SHANK2: variants seen among roughly 807,000 people sequenced by gnomAD.
The protein encoded by SHANK2 is SH3 and multiple ankyrin repeat domains protein 2.
In SHANK2, 43 loss-of-function variants were observed where a neutral mutation model predicts 133.7. The ratio of observed to expected loss-of-function variants is 0.32; its 90% CI spans 0.25 to 0.41. The LOEUF is 0.41. SHANK2 is among the 10% of genes least tolerant of loss of function. The probability of loss-of-function intolerance (pLI) is 1.00; values close to 1 mark genes in which losing one functional copy is unlikely to be tolerated. For missense variants in SHANK2, 1,994 were observed against 2,235.8 expected (o/e 0.89, Z 2.18); for synonymous variants, 1,017 against 952.8 (o/e 1.07, Z -1.24).
At chr11:70,605,699 G>A (rs781938698) in intron 17 of SHANK2, among the ~76,000 whole-genome samples, 2 of 152,222 alleles carry the variant, frequency 1.3e-5, no homozygotes, top group African/African-American at 4.8e-5. Flanking sequence ...TCAACTGCAC[G>A]TTTCCCTGGG....
intron 14 of SHANK2, among the ~76,000 whole-genome samples, chr11:70,729,599 A>G (rs1591793270): frequency 6.8e-6 from 1 of 147,798 alleles, no homozygotes; most frequent in Non-Finnish European, 1.5e-5. Flanking sequence ...ATCTCGGCTC[A>G]CTGCAAGCTC....
At chr11:71,197,243 T>TC (rs1209659412) in intron 2 of SHANK2, among the ~76,000 whole-genome samples, 2 of 151,884 alleles carry the variant, frequency 1.3e-5, no homozygotes, top group Admixed American at 1.3e-4. Context: ...TTCATTTCCT[T>TC]CCCCCCAGTG....
At chr11:71,129,253 C>G (rs1456782276) in intron 3 of SHANK2, among the ~76,000 whole-genome samples, 5 of 152,224 alleles carry the variant, frequency 3.3e-5, no homozygotes, top group East Asian at 3.9e-4. Context: ...CCTACTGAGT[C>G]TTGCTTGTAC....
At chr11:70,702,151 CCATCATCACCAA>C (rs1399200902) in intron 14 of SHANK2, among the ~76,000 whole-genome samples, 1 of 149,396 alleles carries the variant, frequency 6.7e-6, no homozygotes, top group Non-Finnish European at 1.5e-5. Flanking sequence ...ATCTTCTTCA[CCATCATCACCAA>C]CATCATCACC....
intron 14 of SHANK2, among the ~76,000 whole-genome samples, chr11:70,719,417 G>A (rs1015682500): frequency 3.3e-5 from 5 of 152,184 alleles, no homozygotes; most frequent in African/African-American, 1.2e-4. Context: ...CTGTGTGCAT[G>A]GGCACCCAGT....
rs931920336 is a variant in SHANK2, at chr11:71,071,689, T to C, written c.1029+3470A>G. 5.8e-4 allele frequency among the ~76,000 whole-genome samples: 89 copies of C among 152,234 alleles called. 1 individual carries two copies. The South Asian group carries it at 9.8e-3, about 17-fold the overall frequency. On this transcript the variant is annotated intron_variant, in intron 9 of 25. Coordinates refer to ENST00000601538, the MANE Select transcript of SHANK2 (RefSeq NM_012309.5). ...TTCCAGGGCAAAGAATCCAGGAAGA[T>C]TGAACAGCTAGAAGCAAAGTGGGAC...
intron 14 of SHANK2, among the ~76,000 whole-genome samples, chr11:70,792,554 T>C (rs1376141529): frequency 6.6e-6 from 1 of 152,260 alleles, no homozygotes; most frequent in East Asian, 1.9e-4. Flanking sequence ...TACTGAGTTA[T>C]TCATTCTGTG....
chr11:70,905,665 G>A (rs1448619364), intron 10 of SHANK2, among the ~76,000 whole-genome samples: 1 of 152,150 alleles, frequency 6.6e-6, no homozygotes, highest in African/African-American at 2.4e-5. Context: ...CGCCATGTGA[G>A]GACACAGCAA....
intron 9 of SHANK2, among the ~76,000 whole-genome samples, chr11:71,057,915 T>TTTTG (rs1326940532): frequency 1.7e-5 from 1 of 59,344 alleles, no homozygotes; most frequent in African/African-American, 4.0e-4. Context: ...AGCAAAACGG[T>TTTTG]TTTTTTTTTT....
At chr11:70,821,361 C>T (rs570752844) in intron 11 of SHANK2, among the ~76,000 whole-genome samples, 7 of 152,242 alleles carry the variant, frequency 4.6e-5, no homozygotes, top group South Asian at 2.1e-4. Flanking sequence ...ACCAGCCCTG[C>T]GATGCCCTGA....
intron 14 of SHANK2, among the ~76,000 whole-genome samples, chr11:70,747,008 TACTCCCCTCCCTCCACCCCTGC>T (rs1301772192): frequency 2.2e-4 from 27 of 124,762 alleles, no homozygotes; most frequent in Middle Eastern, 3.7e-3. Flanking sequence ...CCTACCCCTG[TACTCCCCTCCCTCCACCCCTGC>T]ACTCCCCTCC....
intron 9 of SHANK2, among the ~76,000 whole-genome samples, chr11:71,063,784 G>A (rs1951014881): frequency 6.6e-6 from 1 of 152,206 alleles, no homozygotes. Flanking sequence ...CGAGCATCAA[G>A]AAGAATATCA....
At chr11:70,593,942 C>G (rs1172309217) in intron 17 of SHANK2, among the ~76,000 whole-genome samples, 2 of 152,090 alleles carry the variant, frequency 1.3e-5, no homozygotes, top group Non-Finnish European at 2.9e-5. Flanking sequence ...CTGCTGGTGT[C>G]AGATGCTGAG....
At chr11:70,770,915 C>CTTTT (rs71467419) in intron 14 of SHANK2, among the ~76,000 whole-genome samples, 3,846 of 92,856 alleles carry the variant, frequency 0.041, 456 homozygotes, top group South Asian at 0.075. Context: ...CTCTTACTTC[C>CTTTT]TTTTTTTTTT....
Position 70,786,073 on chromosome 11 carries a change from C to T in SHANK2, c.1777+12370G>A, listed in dbSNP as rs138405985. ...AAGTCTCCTCTCAGGGTAAGCGGGACCGTGCCAGAATTTCCAACAAACACC... is the reference window on the plus strand; with the variant it reads ...AAGTCTCCTCTCAGGGTAAGCGGGATCGTGCCAGAATTTCCAACAAACACC... On this transcript the variant is annotated intron_variant, in intron 14 of 25. Coordinates refer to ENST00000601538, the MANE Select transcript of SHANK2 (RefSeq NM_012309.5). Among the ~76,000 whole-genome samples the T allele has an allele frequency of 1.1e-4, 16 of 152,278 alleles. No homozygotes were observed. In the East Asian group the frequency reaches 2.9e-3, roughly 28 times the overall value.
intron 1 of SHANK2, among the ~76,000 whole-genome samples, chr11:71,241,447 C>T (rs541267051): frequency 1.3e-3 from 203 of 152,320 alleles, no homozygotes; most frequent in African/African-American, 4.3e-3. Flanking sequence ...GACAAACAAA[C>T]ACGTACCTTC....
intron 11 of SHANK2, among the ~76,000 whole-genome samples, chr11:70,858,472 C>T (rs546891639): frequency 2.4e-4 from 36 of 152,322 alleles, no homozygotes; most frequent in African/African-American, 8.2e-4. Flanking sequence ...CCTGCACACC[C>T]AACACCTAGC....
chr11:70,547,842 CAG>C (rs1412686170), intron 17 of SHANK2, among the ~76,000 whole-genome samples: 1 of 152,234 alleles, frequency 6.6e-6, no homozygotes, highest in Non-Finnish European at 1.5e-5. Context: ...ACAATCGAGA[CAG>C]AGAATTTCAA....
chr11:70,787,598 G>T (rs923698307), intron 14 of SHANK2, among the ~76,000 whole-genome samples: 2 of 143,540 alleles, frequency 1.4e-5, no homozygotes, highest in African/African-American at 5.2e-5. Flanking sequence ...TACCATCATC[G>T]CCATGAGCAC....
Sources: gnomAD v4.1 joint callset for allele counts (sites outside exome capture counted in the v4.1 genomes callset) on GRCh38, gnomAD v4.1.1 for gene constraint, MANE v1.5 for transcripts, NCBI Gene and HGNC (gene_info 2026-07-23, HGNC 2026-07-21) for gene names.